MSRB2: variants seen among roughly 807,000 people sequenced by gnomAD.
MSRB2 encodes methionine sulfoxide reductase B2.
In MSRB2, 17 loss-of-function variants were observed where a neutral mutation model predicts 19.0. The observed-to-expected ratio is 0.89, with a 90% CI of 0.61 to 1.34. The LOEUF (loss-of-function observed/expected upper bound fraction) is 1.34, where lower values mean the gene tolerates loss of function less well. MSRB2 is among the 40% of genes most tolerant of loss of function. The pLI is 0.00. For missense variants in MSRB2, 208 were observed against 237.6 expected (o/e 0.88, Z 0.82); for synonymous variants, 107 against 99.7 (o/e 1.07, Z -0.44).
chr10:23,100,850 T>G (rs927165105), intron 1 of MSRB2, among the ~76,000 whole-genome samples: 31 of 151,838 alleles, frequency 2.0e-4, no homozygotes, highest in African/African-American at 7.5e-4. Context: ...GGAAAAAGGG[T>G]AGATGTAGGT....
At chr10:23,110,593 T>C (rs1840040252) in intron 3 of MSRB2, among the ~76,000 whole-genome samples, 1 of 151,356 alleles carries the variant, frequency 6.6e-6, no homozygotes, top group Non-Finnish European at 1.5e-5. Context: ...GAAATAAAAC[T>C]CAGTGGGCCC....
In MSRB2 at chr10:23,119,367, T is replaced by C; in HGVS notation, c.360T>C (p.Ser120=). Residue 120 remains serine (S), a synonymous_variant, in exon 4 of 5, where the codon TCT becomes TCC. Coordinates refer to ENST00000376510, the MANE Select transcript of MSRB2 (RefSeq NM_012228.4). The part of the protein sequence containing the change: ...WPSFSEAHGT[S]GSDESHTGIL... ...CGTTTTCCGAGGCTCATGGTACGTC[T>C]GGCTCTGATGAAAGCCACACAGGGA... 6.2e-7 allele frequency: 1 copy of C among 1,614,170 alleles called. No homozygotes were observed. Among genetic ancestry groups the C allele is most frequent in the Non-Finnish European group, 8.5e-7 (1 of 1,180,014 alleles).
At chr10:23,109,435 C>T (rs750207614) in intron 2 of MSRB2, among the ~76,000 whole-genome samples, 98 of 151,002 alleles carry the variant, frequency 6.5e-4, no homozygotes, top group South Asian at 2.5e-3. Flanking sequence ...CCCAGCTATT[C>T]GGGAGGCTGA....
intron 1 of MSRB2, among the ~76,000 whole-genome samples, chr10:23,100,045 G>C (rs904186624): frequency 1.3e-5 from 2 of 152,168 alleles, no homozygotes; most frequent in African/African-American, 4.8e-5. Flanking sequence ...TGCCTGAAAG[G>C]AGACAGGAAG....
chr10:23,099,811 G>T (rs1022989031), intron 1 of MSRB2, among the ~76,000 whole-genome samples: 1 of 152,348 alleles, frequency 6.6e-6, no homozygotes, highest in African/African-American at 2.4e-5. Flanking sequence ...AAATATAGAG[G>T]TGTGGGAGAG....
intron 2 of MSRB2, among the ~76,000 whole-genome samples, chr10:23,108,732 C>T (rs1840011342): frequency 6.6e-6 from 1 of 150,522 alleles, no homozygotes. Context: ...TGTCTCGGCC[C>T]CCCAAAGTGC....
intron 1 of MSRB2, 140 bp downstream of exon 1, chr10:23,095,866 C>CG (rs1564425909): frequency 6.5e-6 from 3 of 463,658 alleles, no homozygotes; most frequent in Admixed American, 4.6e-5. Flanking sequence ...CCTCCCCCCC[C>CG]CCAGCCCGAG....
intron 2 of MSRB2, among the ~76,000 whole-genome samples, chr10:23,105,374 C>T (rs1349650346): frequency 1.3e-5 from 2 of 152,116 alleles, no homozygotes; most frequent in Non-Finnish European, 2.9e-5. Flanking sequence ...CCTACTCTGC[C>T]ATCAAACACT....
intron 3 of MSRB2, among the ~76,000 whole-genome samples, 153 bp downstream of exon 3, chr10:23,110,471 G>C (rs1453375781): frequency 6.6e-6 from 1 of 152,102 alleles, no homozygotes; most frequent in Non-Finnish European, 1.5e-5. Flanking sequence ...TGTAAGGAGA[G>C]CTATTCATAT....
chr10:23,111,409 G>A lies in MSRB2; in HGVS notation c.296+1091G>A, dbSNP rs558024400. ...TCAGCCATAGAACCATGCTGCCAGCGTGTCAAGGGCTCCCTTGTTACCGCA... is the reference window on the plus strand; with the variant it reads ...TCAGCCATAGAACCATGCTGCCAGCATGTCAAGGGCTCCCTTGTTACCGCA... On this transcript the variant is annotated intron_variant, in intron 3 of 4. Transcript: ENST00000376510. 7.9e-5 allele frequency among the ~76,000 whole-genome samples: 12 copies of A among 152,320 alleles called. No individual in the cohort carries two copies. In the East Asian group the frequency reaches 1.2e-3, roughly 15 times the overall value.
intron 3 of MSRB2, 196 bp from the exon 4 acceptor site, chr10:23,119,108 C>G (rs566767385): frequency 4.3e-6 from 3 of 699,444 alleles, no homozygotes; most frequent in Non-Finnish European, 7.7e-6. Flanking sequence ...CCTTCCACTT[C>G]GAGAGGCAAT....
rs144653384 is a variant in MSRB2, at chr10:23,096,352, C to CTCTCTCTCTCTCTGTGTGTGTG, written c.118+627_118+628insCTCTCTCTCTCTGTGTGTGTGT. 2.1e-5 allele frequency among the ~76,000 whole-genome samples: 3 copies of CTCTCTCTCTCTCTGTGTGTGTG among 142,832 alleles called. No individual in the cohort carries two copies. In the East Asian group the frequency reaches 6.1e-4, roughly 29 times the overall value. 93.7% of individuals were successfully genotyped at this position (142,832 alleles called of 152,430 possible). On this transcript the variant is annotated intron_variant, in intron 1 of 4. Coordinates refer to ENST00000376510, the MANE Select transcript of MSRB2 (RefSeq NM_012228.4). ...TGTGTGTGTGTGTCTCTCTCTCTCTCTGTGTGTGTGTGTGTGTGTGTTTCT... is the reference window on the plus strand; with the variant it reads ...TGTGTGTGTGTGTCTCTCTCTCTCTCTCTCTCTCTCTCTGTGTGTGTGTGTGTGTGTGTGTGTGTGTGTTTCT...
At chr10:23,105,212 CTGTGTGTGTGTGTG>C (rs36039793) in intron 2 of MSRB2, among the ~76,000 whole-genome samples, 2 of 147,074 alleles carry the variant, frequency 1.4e-5, no homozygotes, top group Non-Finnish European at 3.0e-5. Context: ...CTCTGTGTGT[CTGTGTGTGTGTGTG>C]TGTGTGTGTG....
At chr10:23,100,387 C>T (rs746003294) in intron 1 of MSRB2, among the ~76,000 whole-genome samples, 1 of 152,090 alleles carries the variant, frequency 6.6e-6, no homozygotes, top group African/African-American at 2.4e-5. Context: ...GGATCCTGAA[C>T]AGAAGTGGCA....
In MSRB2 at chr10:23,111,465, G is replaced by A. The variant is rs185141077; in HGVS notation, c.296+1147G>A. Among the ~76,000 whole-genome samples, 173 of 152,278 alleles carry A rather than the reference G, an allele frequency of 1.1e-3. 4 individuals carry two copies. The highest frequency in any genetic ancestry group is 9.4e-3 in the Admixed American group (144 of 15,298). The stretch of plus-strand genomic sequence containing the variant: ...CAGGCAGTGCTCTGTCTCCCTCTTT[G>A]CACTGTGAATACAGAAGATAAATCA... On this transcript the variant is annotated intron_variant, in intron 3 of 4. Coordinates refer to ENST00000376510, the MANE Select transcript of MSRB2 (RefSeq NM_012228.4).
At chr10:23,097,221 G>GC (rs1839878598) in intron 1 of MSRB2, among the ~76,000 whole-genome samples, 1 of 152,186 alleles carries the variant, frequency 6.6e-6, no homozygotes, top group African/African-American at 2.4e-5. Flanking sequence ...ATGATAAACG[G>GC]AGTATTTCTG....
chr10:23,115,012 T>C (rs1840095943), intron 3 of MSRB2, among the ~76,000 whole-genome samples: 1 of 152,154 alleles, frequency 6.6e-6, no homozygotes, highest in South Asian at 2.1e-4. Flanking sequence ...GAGTTCCCTT[T>C]CCAGAGCCTT....
At chr10:23,106,299 G>C (rs934805978) in intron 2 of MSRB2, among the ~76,000 whole-genome samples, 6 of 152,140 alleles carry the variant, frequency 3.9e-5, no homozygotes, top group African/African-American at 1.4e-4. Flanking sequence ...AACATCGAAG[G>C]CTTCTCTTTG....
intron 3 of MSRB2, among the ~76,000 whole-genome samples, chr10:23,118,673 G>A (rs754155320): frequency 9.9e-5 from 15 of 152,090 alleles, no homozygotes; most frequent in South Asian, 2.1e-4. Flanking sequence ...GCCCAGCACC[G>A]TGCTAAGCTT....
Sources: allele counts gnomAD v4.1 joint callset (sites outside exome capture counted in the v4.1 genomes callset), GRCh38; gene constraint gnomAD v4.1.1; transcripts MANE v1.5; gene names NCBI Gene and HGNC (gene_info 2026-07-23, HGNC 2026-07-21).